KLF12: variants seen among roughly 807,000 people sequenced by gnomAD.
The protein encoded by KLF12 is KLF transcription factor 12, also known as Krueppel-like factor 12.
A neutral mutation model predicts 37.8 loss-of-function variants in KLF12; 9 were observed. That is an observed-to-expected ratio of 0.24 (90% confidence interval 0.14 to 0.42). KLF12 has a LOEUF of 0.42. Ranked by LOEUF, KLF12 falls within the 10% of genes least tolerant of loss-of-function variation. The pLI, the probability that KLF12 is intolerant of heterozygous loss-of-function variation, is 1.00. For synonymous variants in KLF12, 208 were observed against 202.1 expected, an observed-to-expected ratio of 1.03 and a Z score of -0.25; for missense variants, 411 against 516.0, an observed-to-expected ratio of 0.80 and a Z score of 1.97.
intron 1 of KLF12, among the ~76,000 whole-genome samples, chr13:74,064,910 A>G (rs1873817805): frequency 6.6e-6 from 1 of 152,162 alleles, no homozygotes; most frequent in Admixed American, 6.5e-5. Context: ...TTCCCATCAT[A>G]CTACTCTAAG....
intron 1 of KLF12, among the ~76,000 whole-genome samples, chr13:74,082,169 A>AAATAAAAAAAAATAAATAAAT (rs1555270362): frequency 2.0e-5 from 3 of 150,486 alleles, no homozygotes; most frequent in African/African-American, 7.3e-5. Context: ...CTCTTAAAAA[A>AAATAAAAAAAAATAAATAAAT]AAAAAAAAAC....
At chr13:73,885,613 A>G (rs1182723071) in intron 3 of KLF12, among the ~76,000 whole-genome samples, 1 of 152,230 alleles carries the variant, frequency 6.6e-6, no homozygotes, top group Non-Finnish European at 1.5e-5. Flanking sequence ...AAGATTTGAA[A>G]TAAGAGAGGA....
intron 4 of KLF12, among the ~76,000 whole-genome samples, chr13:73,835,643 C>T (rs1206960602): frequency 1.3e-5 from 2 of 152,064 alleles, no homozygotes; most frequent in Non-Finnish European, 2.9e-5. Context: ...TGGGGTCTCT[C>T]TGAAACTTTT....
intron 3 of KLF12, among the ~76,000 whole-genome samples, chr13:73,864,321 G>C (rs893545978): frequency 6.6e-6 from 1 of 152,190 alleles, no homozygotes; most frequent in East Asian, 1.9e-4. Context: ...TACTTTACCA[G>C]TGAGTGGGAT....
At chr13:73,717,079 T>C (rs896755227) in intron 6 of KLF12, among the ~76,000 whole-genome samples, 7 of 152,242 alleles carry the variant, frequency 4.6e-5, no homozygotes, top group Non-Finnish European at 7.3e-5. Flanking sequence ...CAGTCTTATG[T>C]TGTAGCTAAT....
chr13:73,866,694 C>G (rs1215599825), intron 3 of KLF12, among the ~76,000 whole-genome samples: 2 of 151,564 alleles, frequency 1.3e-5, no homozygotes, highest in Non-Finnish European at 2.9e-5. Flanking sequence ...AAAAGAAGTA[C>G]TAAAAAATTT....
the KLF12 span, among the ~76,000 whole-genome samples, chr13:74,221,148 GCAC>G: frequency 1.3e-5 from 2 of 151,792 alleles, no homozygotes; most frequent in African/African-American, 4.8e-5. Flanking sequence ...GGGACTACAA[GCAC>G]CGCCGCCACC....
chr13:74,083,534 AC>A (rs1875065614), intron 1 of KLF12, among the ~76,000 whole-genome samples: 1 of 151,056 alleles, frequency 6.6e-6, no homozygotes, highest in South Asian at 2.1e-4. Flanking sequence ...ACACACACAC[AC>A]ACACAAACAT....
intron 6 of KLF12, among the ~76,000 whole-genome samples, chr13:73,747,698 T>G (rs1480402919): frequency 1.3e-5 from 2 of 152,102 alleles, no homozygotes; most frequent in African/African-American, 2.4e-5. Context: ...ATGATAACCA[T>G]GAAACAGGTA....
chr13:74,265,563 C>G, the KLF12 span, among the ~76,000 whole-genome samples: 2 of 152,046 alleles, frequency 1.3e-5, no homozygotes, highest in African/African-American at 4.8e-5. Flanking sequence ...ATAATGGCTC[C>G]CAAATTACAC....
chr13:74,177,906 A>G, the KLF12 span, among the ~76,000 whole-genome samples: 3 of 152,232 alleles, frequency 2.0e-5, no homozygotes, highest in Non-Finnish European at 4.4e-5. Flanking sequence ...AGAAGCTAAT[A>G]TATATAATAC....
At chr13:73,787,816 A>G (rs753961502) in intron 5 of KLF12, among the ~76,000 whole-genome samples, 5 of 152,182 alleles carry the variant, frequency 3.3e-5, no homozygotes, top group African/African-American at 4.8e-5. Context: ...AAAAAAAAGT[A>G]CGTAGTACAT....
At chr13:73,807,101 A>C (rs2138390423) in intron 5 of KLF12, among the ~76,000 whole-genome samples, 1 of 152,316 alleles carries the variant, frequency 6.6e-6, no homozygotes, top group African/African-American at 2.4e-5. Context: ...TGAGGCCAGG[A>C]GTTCGAGACT....
At chr13:73,859,819 A>T (rs922880029) in intron 3 of KLF12, among the ~76,000 whole-genome samples, 1 of 152,166 alleles carries the variant, frequency 6.6e-6, no homozygotes, top group Non-Finnish European at 1.5e-5. Flanking sequence ...ATGGAAAAAA[A>T]AAAATCCGAA....
chr13:74,135,048 C>T (rs75286000), upstream of KLF12, among the ~76,000 whole-genome samples: 4,462 of 151,344 alleles, frequency 0.029, 108 homozygotes, highest in African/African-American at 0.055. Context: ...GGCGGTGCCC[C>T]CCGCGCGCCG....
intron 4 of KLF12, among the ~76,000 whole-genome samples, chr13:73,831,177 C>A (rs1202517559): frequency 6.6e-6 from 1 of 152,056 alleles, no homozygotes; most frequent in Non-Finnish European, 1.5e-5. Flanking sequence ...ATAATTAAGG[C>A]ATACTTTTTA....
At chr13:73,889,934 C>A (rs1016835437) in intron 3 of KLF12, among the ~76,000 whole-genome samples, 4 of 152,038 alleles carry the variant, frequency 2.6e-5, no homozygotes, top group African/African-American at 9.7e-5. Context: ...AACCTTAAAG[C>A]TGAATTTTGA....
chr13:73,703,937 T>C (rs1483139417), intron 7 of KLF12, among the ~76,000 whole-genome samples: 1 of 152,212 alleles, frequency 6.6e-6, no homozygotes, highest in Admixed American at 6.5e-5. Context: ...AGAAATCCGA[T>C]ATAAGTGAAC....
At chr13:74,107,133 A>G (rs183856763) in intron 1 of KLF12, among the ~76,000 whole-genome samples, 8 of 152,282 alleles carry the variant, frequency 5.3e-5, no homozygotes, top group Non-Finnish European at 1.0e-4. Context: ...TGCTCCCTTG[A>G]ATTATTTTAT....
Sources: allele counts gnomAD v4.1 joint callset (sites outside exome capture counted in the v4.1 genomes callset), GRCh38; gene constraint gnomAD v4.1.1; transcripts MANE v1.5; gene names NCBI Gene and HGNC (gene_info 2026-07-23, HGNC 2026-07-21).